The following TEX9 variants were observed in gnomAD, a reference collection of about 807,000 sequenced individuals.
The protein encoded by TEX9 is testis expressed 9.
A neutral mutation model predicts 59.6 loss-of-function variants in TEX9; 74 were observed. That is an observed-to-expected ratio of 1.24 (90% CI 1.03 to 1.51). The LOEUF (loss-of-function observed/expected upper bound fraction) is 1.51. Among genes scored for constraint, TEX9 ranks in the 40% most tolerant of loss-of-function variants. The pLI, the probability that TEX9 is intolerant of heterozygous loss-of-function variation, is 0.00. For synonymous variants in TEX9, 186 were observed against 152.2 expected, an observed-to-expected ratio of 1.22 and a Z score of -1.64; for missense variants, 522 against 447.8, an observed-to-expected ratio of 1.17 and a Z score of -1.49.
At chr15:56,298,328 T>G (rs1431347271) in intron 1 of TEX9, among the ~76,000 whole-genome samples, 1 of 152,174 alleles carries the variant, frequency 6.6e-6, no homozygotes, top group African/African-American at 2.4e-5. Flanking sequence ...AAAAAGTAAC[T>G]TTTTGACCTC....
chr15:56,365,801 C>T (rs1316163721), intron 2 of TEX9, 131 bp downstream of exon 2: 2 of 1,462,960 alleles, frequency 1.4e-6, no homozygotes, highest in African/African-American at 1.4e-5. Flanking sequence ...CTCGTCATCT[C>T]GTTCACCTGC....
chr15:56,394,255 T>C lies in TEX9; in HGVS notation c.654+8T>C. 1 of 1,593,768 alleles carries C rather than the reference T, an allele frequency of 6.3e-7. No homozygotes were observed. The highest frequency in any genetic ancestry group is 8.5e-7 in the Non-Finnish European group (1 of 1,171,970). On this transcript the variant is annotated splice_region_variant and intron_variant, in intron 8 of 12. Transcript: ENST00000352903. ...TGTGAATGCAATAAAAAGGTAAGTTTTAAAAACCTCTTAAAAGGCTCTAAT... is the reference window on the plus strand; with the variant it reads ...TGTGAATGCAATAAAAAGGTAAGTTCTAAAAACCTCTTAAAAGGCTCTAAT...
At chr15:56,272,068 G>A (rs542614707) in intron 1 of TEX9, among the ~76,000 whole-genome samples, 28 of 152,158 alleles carry the variant, frequency 1.8e-4, no homozygotes, top group Non-Finnish European at 3.1e-4. Flanking sequence ...GGCCGGAACC[G>A]GGGAGGCAGA....
intron 1 of TEX9, among the ~76,000 whole-genome samples, chr15:56,333,585 G>T (rs2046201574): frequency 6.6e-6 from 1 of 151,580 alleles, no homozygotes; most frequent in Non-Finnish European, 1.5e-5. Flanking sequence ...AATGGGAAAA[G>T]ACCAAAAGCC....
intron 3 of TEX9, among the ~76,000 whole-genome samples, chr15:56,378,233 A>G (rs1213904615): frequency 3.3e-5 from 5 of 152,164 alleles, no homozygotes; most frequent in Non-Finnish European, 4.4e-5. Context: ...CTAGCCTCAT[A>G]AAATGAGTTT....
At chr15:56,446,540 T>C (rs1488732802), downstream of TEX9, among the ~76,000 whole-genome samples, 1 of 152,032 alleles carries the variant, frequency 6.6e-6, no homozygotes, top group Non-Finnish European at 1.5e-5. Flanking sequence ...AATACACTTA[T>C]CATGGTAACA....
chr15:56,317,116 T>A (rs1385592157), intron 1 of TEX9, among the ~76,000 whole-genome samples: 1 of 152,212 alleles, frequency 6.6e-6, no homozygotes, highest in Non-Finnish European at 1.5e-5. Context: ...GTCTTCTGCG[T>A]CGCTCACGCT....
At chr15:56,392,645 T>A (rs2048270904) in intron 7 of TEX9, among the ~76,000 whole-genome samples, 1 of 129,510 alleles carries the variant, frequency 7.7e-6, no homozygotes, top group Non-Finnish European at 1.9e-5. Context: ...GTATAATAAT[T>A]ATTGTGTTAC....
chr15:56,320,619 C>T (rs1310290626), intron 1 of TEX9, among the ~76,000 whole-genome samples: 1 of 152,146 alleles, frequency 6.6e-6, no homozygotes, highest in East Asian at 1.9e-4. Flanking sequence ...TCCCTGTGAC[C>T]TCATTTAACT....
At chr15:56,385,696 A>G (rs2047928581) in intron 4 of TEX9, among the ~76,000 whole-genome samples, 1 of 151,930 alleles carries the variant, frequency 6.6e-6, no homozygotes, top group Non-Finnish European at 1.5e-5. Flanking sequence ...TTTTATCAGC[A>G]AAGAAACTCT....
chr15:56,331,395 A>C (rs1168329462), intron 1 of TEX9, among the ~76,000 whole-genome samples: 1 of 152,228 alleles, frequency 6.6e-6, no homozygotes, highest in Non-Finnish European at 1.5e-5. Context: ...GATAGACCAT[A>C]TGTTAGCAAC....
At chr15:56,430,212 AC>A (rs1300502494) in intron 12 of TEX9, 58 bp downstream of exon 12, 2 of 152,062 alleles carry the variant, frequency 1.3e-5, no homozygotes, top group Non-Finnish European at 2.9e-5. Context: ...AACTGTTATT[AC>A]TTTTTTAAGA....
chr15:56,366,231 T>C (rs1233343096), intron 2 of TEX9, among the ~76,000 whole-genome samples: 2 of 152,216 alleles, frequency 1.3e-5, no homozygotes, highest in African/African-American at 4.8e-5. Flanking sequence ...GCAGCCAGTG[T>C]AATCTTTTAA....
chr15:56,392,389 G>T (rs998182295), intron 7 of TEX9, among the ~76,000 whole-genome samples: 1 of 152,060 alleles, frequency 6.6e-6, no homozygotes, highest in South Asian at 2.1e-4. Flanking sequence ...AAGAGACGGG[G>T]GAGGTGCTAC....
At chr15:56,401,768 C>T (rs1386842381) in intron 9 of TEX9, among the ~76,000 whole-genome samples, 1 of 152,124 alleles carries the variant, frequency 6.6e-6, no homozygotes, top group Non-Finnish European at 1.5e-5. Flanking sequence ...GAACAGAAAT[C>T]ACAACAAACT....
At chr15:56,322,031 G>A (rs1270886763) in intron 1 of TEX9, among the ~76,000 whole-genome samples, 1 of 151,972 alleles carries the variant, frequency 6.6e-6, no homozygotes, top group African/African-American at 2.4e-5. Flanking sequence ...GCATATGTCA[G>A]AATTCATATA....
At chr15:56,297,290 CTT>C (rs2045239923) in intron 1 of TEX9, among the ~76,000 whole-genome samples, 1 of 152,114 alleles carries the variant, frequency 6.6e-6, no homozygotes, top group African/African-American at 2.4e-5. Context: ...TAGGGCGTCT[CTT>C]AAGTACTGGT....
chr15:56,358,495 A>G (rs2046729911), intron 1 of TEX9, among the ~76,000 whole-genome samples: 1 of 152,178 alleles, frequency 6.6e-6, no homozygotes, highest in Admixed American at 6.5e-5. Context: ...AACTGAGAAT[A>G]TCGTAGAGAG....
chr15:56,283,895 A>G (rs2044878540), intron 1 of TEX9, among the ~76,000 whole-genome samples: 1 of 152,202 alleles, frequency 6.6e-6, no homozygotes, highest in South Asian at 2.1e-4. Flanking sequence ...GAATTCACAG[A>G]AAAGAAAATA....
Sources: gnomAD v4.1 joint callset for allele counts (sites outside exome capture counted in the v4.1 genomes callset) on GRCh38, gnomAD v4.1.1 for gene constraint, MANE v1.5 for transcripts, NCBI Gene and HGNC (gene_info 2026-07-23, HGNC 2026-07-21) for gene names.